The following NKAIN2 variants were observed in gnomAD, a reference collection of about 807,000 sequenced individuals.
NKAIN2 encodes sodium/potassium-transporting ATPase subunit beta-1-interacting protein 2.
NKAIN2 carries 14 observed loss-of-function variants against 32.6 expected under a neutral mutation model. That is an observed-to-expected ratio of 0.43 (90% confidence interval 0.28 to 0.67). NKAIN2 has a LOEUF of 0.67. Among genes scored for constraint, NKAIN2 ranks in the 30% least tolerant of loss-of-function variants. The probability of loss-of-function intolerance (pLI) is 0.17; values close to 1 mark genes in which losing one functional copy is unlikely to be tolerated. For synonymous variants in NKAIN2, 80 were observed against 87.2 expected (o/e 0.92, Z 0.46); for missense variants, 198 against 258.3 (o/e 0.77, Z 1.60).
intron 4 of NKAIN2, among the ~76,000 whole-genome samples, chr6:124,681,728 G>T (rs754323084): frequency 6.6e-6 from 1 of 152,016 alleles, no homozygotes; most frequent in Non-Finnish European, 1.5e-5. Flanking sequence ...GAAAGTGAAT[G>T]TTTGGGAAAT....
At chr6:124,336,839 A>AT (rs1186664285) in intron 2 of NKAIN2, among the ~76,000 whole-genome samples, 1 of 151,596 alleles carries the variant, frequency 6.6e-6, no homozygotes, top group Admixed American at 6.6e-5. Flanking sequence ...CACCCGGCTA[A>AT]TTTTTTGTAT....
At chr6:124,380,732 T>C (rs908812284) in intron 3 of NKAIN2, among the ~76,000 whole-genome samples, 21 of 152,322 alleles carry the variant, frequency 1.4e-4, no homozygotes, top group African/African-American at 4.6e-4. Flanking sequence ...TTTGATATTG[T>C]ATAATTAAAT....
intron 1 of NKAIN2, among the ~76,000 whole-genome samples, chr6:124,254,034 C>G (rs1271977255): frequency 6.6e-6 from 1 of 151,088 alleles, no homozygotes; most frequent in East Asian, 2.0e-4. Flanking sequence ...CCAAGATGGT[C>G]TCGTTCTCTT....
intron 3 of NKAIN2, among the ~76,000 whole-genome samples, chr6:124,607,012 G>C (rs925632328): frequency 1.3e-5 from 2 of 152,158 alleles, no homozygotes; most frequent in African/African-American, 4.8e-5. Flanking sequence ...GCAATGAAGA[G>C]AATTGAAAAT....
At chr6:124,562,260 C>T (rs1780723933) in intron 3 of NKAIN2, among the ~76,000 whole-genome samples, 1 of 152,272 alleles carries the variant, frequency 6.6e-6, no homozygotes, top group Middle Eastern at 3.4e-3. Flanking sequence ...TTCCTCCACA[C>T]TAGTGCCATT....
chr6:124,313,335 G>T lies in NKAIN2; in HGVS notation c.192+30193G>T, dbSNP rs185910517. Among the ~76,000 whole-genome samples the T allele has an allele frequency of 2.0e-3, 300 of 151,982 alleles. 2 individuals are homozygous for T. Among genetic ancestry groups the T allele is most frequent in the Non-Finnish European group, 9.0e-4 (61 of 67,972 alleles). On this transcript the variant is annotated intron_variant, in intron 2 of 6. Coordinates refer to ENST00000368417, the MANE Select transcript of NKAIN2 (RefSeq NM_001040214.3). Reference sequence around the variant, plus strand: ...CATCTTTTTTTTTATTCCAATCATTGCCTTCGTGCTGTGTCTGATATCTAT... The same window carrying T: ...CATCTTTTTTTTTATTCCAATCATTTCCTTCGTGCTGTGTCTGATATCTAT...
chr6:124,455,924 A>G (rs561349633), intron 3 of NKAIN2, among the ~76,000 whole-genome samples: 1 of 152,042 alleles, frequency 6.6e-6, no homozygotes, highest in South Asian at 2.1e-4. Flanking sequence ...TGGAAACCCC[A>G]TTTCCTACAA....
intron 4 of NKAIN2, among the ~76,000 whole-genome samples, chr6:124,776,408 T>A (rs1215207715): frequency 6.6e-6 from 1 of 152,060 alleles, no homozygotes; most frequent in African/African-American, 2.4e-5. Flanking sequence ...TCACCTCTCA[T>A]TTTTATTTGC....
At chr6:124,096,595 G>A (rs978358294) in intron 1 of NKAIN2, among the ~76,000 whole-genome samples, 11 of 152,058 alleles carry the variant, frequency 7.2e-5, no homozygotes, top group Non-Finnish European at 4.4e-5. Flanking sequence ...TGAACTCCAG[G>A]TGGGGCTATA....
chr6:123,859,041 A>G (rs1034380213), intron 1 of NKAIN2, among the ~76,000 whole-genome samples: 4 of 152,214 alleles, frequency 2.6e-5, no homozygotes, highest in African/African-American at 9.7e-5. Context: ...TACATAAATT[A>G]CTAGAATTTA....
chr6:124,049,501 A>G (rs1782303290), intron 1 of NKAIN2, among the ~76,000 whole-genome samples: 1 of 152,088 alleles, frequency 6.6e-6, no homozygotes. Flanking sequence ...GTACCCATTT[A>G]TCACTCGGTC....
At chr6:124,056,888 G>T (rs1294975973) in intron 1 of NKAIN2, among the ~76,000 whole-genome samples, 1 of 151,996 alleles carries the variant, frequency 6.6e-6, no homozygotes, top group East Asian at 1.9e-4. Context: ...CATCTGTAAG[G>T]AGTTTCCTGG....
At chr6:124,671,753 T>A (rs1480629680) in intron 4 of NKAIN2, among the ~76,000 whole-genome samples, 1 of 152,054 alleles carries the variant, frequency 6.6e-6, no homozygotes, top group Non-Finnish European at 1.5e-5. Context: ...GTACTTGGTT[T>A]TTTCTTGGAT....
chr6:124,576,443 A>T (rs1781337993), intron 3 of NKAIN2, among the ~76,000 whole-genome samples: 1 of 152,328 alleles, frequency 6.6e-6, no homozygotes, highest in Non-Finnish European at 1.5e-5. Context: ...CAAAAGTTAG[A>T]ATTTTGGAAA....
intron 1 of NKAIN2, among the ~76,000 whole-genome samples, chr6:124,107,556 A>T (rs569075434): frequency 2.6e-5 from 4 of 152,278 alleles, no homozygotes; most frequent in Admixed American, 6.5e-5. Context: ...AAGACTTAAC[A>T]TGAGGTCTAC....
chr6:124,538,211 G>A (rs550333706), intron 3 of NKAIN2, among the ~76,000 whole-genome samples: 5 of 150,950 alleles, frequency 3.3e-5, no homozygotes, highest in South Asian at 2.1e-4. Flanking sequence ...TTTTCATCTC[G>A]GTAAATTCAC....
At chr6:124,321,425 A>G (rs1203917814) in intron 2 of NKAIN2, among the ~76,000 whole-genome samples, 2 of 152,196 alleles carry the variant, frequency 1.3e-5, no homozygotes, top group Non-Finnish European at 2.9e-5. Flanking sequence ...CAATGTAACA[A>G]ACCTGCACGT....
chr6:124,386,909 A>G (rs1439673812), intron 3 of NKAIN2, among the ~76,000 whole-genome samples: 1 of 152,152 alleles, frequency 6.6e-6, no homozygotes, highest in Non-Finnish European at 1.5e-5. Flanking sequence ...TCTTCTACCC[A>G]TGCTTTACCA....
intron 1 of NKAIN2, among the ~76,000 whole-genome samples, chr6:123,851,543 G>A (rs1316449617): frequency 1.3e-5 from 2 of 151,954 alleles, no homozygotes; most frequent in African/African-American, 2.4e-5. Flanking sequence ...GAGCCACCAC[G>A]CCCAGCTGTT....
Sources: allele counts gnomAD v4.1 joint callset (sites outside exome capture counted in the v4.1 genomes callset), GRCh38; gene constraint gnomAD v4.1.1; transcripts MANE v1.5; gene names NCBI Gene and HGNC (gene_info 2026-07-23, HGNC 2026-07-21).